Variants in ZFHX3 observed in about 807,000 individuals in gnomAD.
ZFHX3 encodes the protein zinc finger homeobox protein 3.
ZFHX3 carries 42 observed loss-of-function variants against 279.1 expected under a neutral mutation model. The observed-to-expected ratio is 0.15, with a 90% confidence interval of 0.12 to 0.19. The LOEUF (loss-of-function observed/expected upper bound fraction) is 0.19. Among genes scored for constraint, ZFHX3 ranks in the 10% least tolerant of loss-of-function variants. The probability of loss-of-function intolerance (pLI) is 1.00; values close to 1 mark genes in which losing one functional copy is unlikely to be tolerated. For missense variants in ZFHX3, 4,981 were observed against 4,754.0 expected (o/e 1.05, Z -1.40); for synonymous variants, 2,293 against 1,957.8 (o/e 1.17, Z -4.52).
intron 1 of ZFHX3, among the ~76,000 whole-genome samples, chr16:72,965,347 A>G (rs1961786833): frequency 6.6e-6 from 1 of 152,156 alleles, no homozygotes; most frequent in African/African-American, 2.4e-5. Flanking sequence ...TTCTTGCTTG[A>G]GAGTGATGGG....
intron 2 of ZFHX3, among the ~76,000 whole-genome samples, chr16:73,505,347 A>G (rs2019308248): frequency 6.6e-6 from 1 of 152,160 alleles, no homozygotes; most frequent in Non-Finnish European, 1.5e-5. Context: ...CGTCACTTAC[A>G]AGAAGCAGGG....
At chr16:73,861,147 G>A (rs4888010) in intron 1 of ZFHX3, among the ~76,000 whole-genome samples, 60,702 of 151,586 alleles carry the variant, frequency 0.4, 12,890 homozygotes, top group Non-Finnish European at 0.47. Flanking sequence ...TTGTATTTTT[G>A]TACAGATGGT....
chr16:73,459,141 GA>G (rs2143576938), intron 2 of ZFHX3, among the ~76,000 whole-genome samples: 1 of 152,312 alleles, frequency 6.6e-6, no homozygotes, highest in African/African-American at 2.4e-5. Flanking sequence ...ATTTTAAATG[GA>G]AAAGCTCATG....
In ZFHX3 at chr16:73,682,896, AAGAAAGAAAGAGAAAGAAAGAG is replaced by A. The variant is rs1567550532; in HGVS notation, c.-1607-2678_-1607-2657del. Among the ~76,000 whole-genome samples, 19 of 22,336 alleles carry A rather than the reference AAGAAAGAAAGAGAAAGAAAGAG, an allele frequency of 8.5e-4. 1 individual carries two copies. The highest frequency in any genetic ancestry group is 1.2e-3 in the Non-Finnish European group (13 of 10,848). The allele number at this position is 22,336 out of a possible 152,430, so 14.7% of individuals were successfully genotyped here. A position where few individuals can be genotyped will look rare whatever the true frequency, so the allele number is the denominator to read the frequency against. On this transcript the variant is annotated intron_variant, in intron 1 of 17. Coordinates refer to the ZFHX3 transcript ENST00000641206. ...AAAGAAAGAAAGAAAGAAAGAAAGA[AAGAAAGAAAGAGAAAGAAAGAG>A]AGAAAGAGAAAGAAAGAAAGAAAGA... is the stretch of plus-strand genomic sequence containing the variant.
chr16:73,241,586 T>C (rs559759855), intron 5 of ZFHX3, among the ~76,000 whole-genome samples: 93 of 150,148 alleles, frequency 6.2e-4, no homozygotes, highest in African/African-American at 2.2e-3. Context: ...AGGTCAGGAG[T>C]TCAAGACCAG....
intron 2 of ZFHX3, among the ~76,000 whole-genome samples, chr16:73,540,800 T>C (rs1396211210): frequency 6.6e-6 from 1 of 152,180 alleles, no homozygotes; most frequent in African/African-American, 2.4e-5. Flanking sequence ...AGAGTCACTC[T>C]CACGCAAAGC....
chr16:73,344,491 G>GA (rs1336546798), intron 3 of ZFHX3, among the ~76,000 whole-genome samples: 1 of 152,186 alleles, frequency 6.6e-6, no homozygotes, highest in Admixed American at 6.5e-5. Flanking sequence ...TGGAAGGATG[G>GA]AAAAAATTTG....
intron 2 of ZFHX3, among the ~76,000 whole-genome samples, chr16:73,514,247 CA>C (rs1174764051): frequency 7.0e-5 from 10 of 142,796 alleles, no homozygotes; most frequent in South Asian, 4.4e-4. Flanking sequence ...GACTCCGTCT[CA>C]AAAAAAAAAT....
At chr16:72,885,411 G>A (rs2038598789) in intron 4 of ZFHX3, among the ~76,000 whole-genome samples, 1 of 152,238 alleles carries the variant, frequency 6.6e-6, no homozygotes, top group African/African-American at 2.4e-5. Context: ...AGGGATGGAG[G>A]AGACCTTTGC....
chr16:72,869,681 C>T (rs775015252), intron 4 of ZFHX3, among the ~76,000 whole-genome samples: 1 of 152,142 alleles, frequency 6.6e-6, no homozygotes, highest in Non-Finnish European at 1.5e-5. Flanking sequence ...CCTTAATGAC[C>T]ACCACTTTCA....
intron 4 of ZFHX3, chr16:73,294,441 A>C (rs1395858492): frequency 1.3e-5 from 2 of 152,234 alleles, no homozygotes; most frequent in Non-Finnish European, 2.9e-5. Flanking sequence ...AAAACTATAA[A>C]GTGGGGGGCT....
At chr16:73,144,077 G>A (rs1392062783) in intron 5 of ZFHX3, among the ~76,000 whole-genome samples, 1 of 152,112 alleles carries the variant, frequency 6.6e-6, no homozygotes, top group Non-Finnish European at 1.5e-5. Context: ...AACTGGGAAA[G>A]GCATTTTTAA....
intron 1 of ZFHX3, among the ~76,000 whole-genome samples, chr16:73,695,056 G>A (rs1299456867): frequency 2.0e-5 from 3 of 152,180 alleles, no homozygotes; most frequent in African/African-American, 7.2e-5. Context: ...CCTTATTGCA[G>A]ACCTATTTAC....
chr16:73,687,865 A>C (rs1047176284), intron 1 of ZFHX3, among the ~76,000 whole-genome samples: 1 of 151,744 alleles, frequency 6.6e-6, no homozygotes, highest in African/African-American at 2.4e-5. Context: ...AAAAAAAAAA[A>C]AAAACAGATT....
intron 4 of ZFHX3, among the ~76,000 whole-genome samples, chr16:73,304,388 C>T (rs917823029): frequency 3.9e-4 from 60 of 152,150 alleles, no homozygotes; most frequent in African/African-American, 1.4e-3. Context: ...TGGGTGGAGA[C>T]ATACGCACCT....
rs2073852 is a variant in ZFHX3 at position 72,958,768 on chromosome 16, C to G, written c.1378G>C (p.Glu460Gln). The change falls in exon 2 of 10, where the codon GAA (glutamate) becomes CAA (glutamine). Residue 460 changes from glutamate (E) to glutamine (Q), a missense_variant. Around this residue, in one of 7 missense-constraint regions of ZFHX3, gnomAD observed 1,068 missense variants for 935.2 expected, o/e 1.14. Transcript: ENST00000268489. ...DCFSEKVEPA[E>Q]EEAEEEEEEE... is the part of the protein sequence containing the mutation. ...TCCTCTTCCTCCTCCGCCTCCTCTTCGGCTGGCTCTACCTTCTCAGAGAAG... is the reference window on the plus strand; with the variant it reads ...TCCTCTTCCTCCTCCGCCTCCTCTTGGGCTGGCTCTACCTTCTCAGAGAAG... 30,424 of 1,614,070 alleles carry G rather than the reference C, an allele frequency of 0.019. 1,332 individuals carry two copies. Among genetic ancestry groups the G allele is most frequent in the East Asian group, 0.19 (8,388 of 44,844 alleles).
chr16:73,329,243 C>G (rs1328153677), intron 3 of ZFHX3, among the ~76,000 whole-genome samples: 2 of 152,208 alleles, frequency 1.3e-5, no homozygotes, highest in African/African-American at 4.8e-5. Context: ...TCATCACGCT[C>G]TTGGCAAGTG....
chr16:73,200,625 A>G (rs562361992), intron 5 of ZFHX3, among the ~76,000 whole-genome samples: 2 of 152,306 alleles, frequency 1.3e-5, no homozygotes, highest in African/African-American at 2.4e-5. Context: ...TAGCTTACCT[A>G]ACTCTATGAC....
intron 2 of ZFHX3, among the ~76,000 whole-genome samples, chr16:73,542,653 G>C (rs534924808): frequency 6.6e-6 from 1 of 151,960 alleles, no homozygotes; most frequent in Non-Finnish European, 1.5e-5. Flanking sequence ...AATCTGCATG[G>C]GGTTGCCAGA....
Sources: allele counts gnomAD v4.1 joint callset (sites outside exome capture counted in the v4.1 genomes callset), GRCh38; gene constraint gnomAD v4.1.1; regional missense constraint gnomAD v4.1.1; transcripts MANE v1.5; gene names NCBI Gene and HGNC (gene_info 2026-07-23, HGNC 2026-07-21).